AFF2: variants seen among roughly 807,000 people sequenced by gnomAD.
The protein encoded by AFF2 is AF4/FMR2 family member 2.
In AFF2, 14 loss-of-function variants were observed where a neutral mutation model predicts 76.9. That is an observed-to-expected ratio of 0.18 (90% CI 0.12 to 0.28). The LOEUF is 0.28. AFF2 is among the 10% of genes least tolerant of loss of function. AFF2 has a pLI of 1.00. For synonymous variants in AFF2, 398 were observed against 366.7 expected (o/e 1.09, Z -0.98); for missense variants, 868 against 1,001.1 (o/e 0.87, Z 1.79).
intron 7 of AFF2, among the ~76,000 whole-genome samples, chrX:148,851,647 T>A (rs1250114498): frequency 4.5e-5 from 5 of 112,066 alleles, no homozygotes; most frequent in African/African-American, 1.6e-4. Flanking sequence ...CATTGCCTAA[T>A]TTCTGGAGTT....
chrX:148,788,111 A>G (rs1439572708), intron 3 of AFF2, among the ~76,000 whole-genome samples: 7 of 111,680 alleles, frequency 6.3e-5, no homozygotes, highest in Non-Finnish European at 1.1e-4. Context: ...AAGTTGATCT[A>G]TATCTCCCTA....
chrX:148,921,481 A>G (rs782431933), intron 9 of AFF2, among the ~76,000 whole-genome samples: 16 of 112,269 alleles, frequency 1.4e-4, no homozygotes, highest in African/African-American at 4.9e-4. Context: ...TATTCTGGAT[A>G]TTTCATAAAA....
chrX:148,773,685 G>GAAAGAAAGAAAGAAAGAAA (rs2069621002), intron 3 of AFF2, among the ~76,000 whole-genome samples: 2 of 51,440 alleles, frequency 3.9e-5, no homozygotes, highest in Non-Finnish European at 6.6e-5. Context: ...AAGGAAGGAA[G>GAAAGAAAGAAAGAAAGAAA]GAAAGAAAGA....
intron 3 of AFF2, among the ~76,000 whole-genome samples, chrX:148,735,276 C>T (rs1398678813): frequency 3.6e-5 from 4 of 112,450 alleles, no homozygotes; most frequent in African/African-American, 1.3e-4. Flanking sequence ...TATTTATGCA[C>T]ATATCCACCT....
chrX:148,540,834 T>A (rs978999807), intron 1 of AFF2, among the ~76,000 whole-genome samples: 1 of 112,225 alleles, frequency 8.9e-6, no homozygotes, highest in Non-Finnish European at 1.9e-5. Context: ...TCCTGTTACA[T>A]CCAGTATAAA....
intron 4 of AFF2, among the ~76,000 whole-genome samples, chrX:148,832,704 G>A (rs1370513476): frequency 1.8e-5 from 2 of 112,159 alleles, no homozygotes; most frequent in African/African-American, 6.5e-5. Flanking sequence ...TAGAATCAGA[G>A]ATGAACGGTA....
At chrX:148,658,213 T>C (rs1386903005) in intron 2 of AFF2, among the ~76,000 whole-genome samples, 4 of 111,959 alleles carry the variant, frequency 3.6e-5, no homozygotes, top group Non-Finnish European at 7.5e-5. Context: ...AGTGTCTGTC[T>C]TAAGAACTAC....
chrX:148,928,101 G>T (rs1238504521), intron 9 of AFF2, among the ~76,000 whole-genome samples: 1 of 111,514 alleles, frequency 9.0e-6, no homozygotes, highest in Non-Finnish European at 1.9e-5. Context: ...ATAAGAGTGT[G>T]AAATGTTCCC....
At chrX:148,555,934 G>A (rs2053047540) in intron 1 of AFF2, among the ~76,000 whole-genome samples, 1 of 112,218 alleles carries the variant, frequency 8.9e-6, no homozygotes, top group Admixed American at 9.5e-5. Context: ...TAAACCACAC[G>A]AGGTGAATTT....
In AFF2 at chrX:148,609,041, T is replaced by C. The variant is rs1334587296; in HGVS notation, c.48-42958T>C. Among the ~76,000 whole-genome samples the C allele has an allele frequency of 2.2e-4, 25 of 111,493 alleles. No homozygotes were observed. The Admixed American group carries it at 2.3e-3, about 10-fold the overall frequency. On this transcript the variant is annotated intron_variant, in intron 1 of 20. Transcript: ENST00000370460. ...CTTTTACCCATGCTGACATTGACTT[T>C]CCTCTGGAGCATCACCAACTAGTGA... is the stretch of plus-strand genomic sequence containing the variant.
intron 1 of AFF2, among the ~76,000 whole-genome samples, chrX:148,638,779 C>A (rs1185432599): frequency 9.0e-6 from 1 of 111,193 alleles, no homozygotes; most frequent in Non-Finnish European, 1.9e-5. Flanking sequence ...GCAAGTACAG[C>A]ACCAAGCCAT....
At chrX:148,615,072 G>A (rs1557250147) in intron 1 of AFF2, among the ~76,000 whole-genome samples, 1 of 110,607 alleles carries the variant, frequency 9.0e-6, no homozygotes, top group Non-Finnish European at 1.9e-5. Flanking sequence ...CCAAAATGTT[G>A]TCATCAATTC....
rs782806508 is a variant in AFF2 at position 148,958,377 on chromosome X, G to A, written c.2609G>A (p.Arg870His). The change falls in exon 12 of 21, where the codon CGC becomes CAC. Residue 870 changes from arginine to histidine, a missense_variant. Coordinates refer to ENST00000370460, the MANE Select transcript of AFF2 (RefSeq NM_002025.4). ...GAGAAGATCCCTGAGAAGAAGCAGC[G>A]CCTGGAGGAGGCCACAACTATCTGC... is the stretch of plus-strand genomic sequence containing the variant. Reference protein sequence around the residue: ...VAEKIPEKKQRLEEATTICLL... With the variant: ...VAEKIPEKKQHLEEATTICLL... 84 of 1,209,099 alleles carry A rather than the reference G, an allele frequency of 6.9e-5. No homozygotes were observed. Among genetic ancestry groups the A allele is most frequent in the Non-Finnish European group, 8.5e-5 (76 of 894,736 alleles).
intron 4 of AFF2, among the ~76,000 whole-genome samples, chrX:148,834,776 A>T (rs1372590): frequency 0.011 from 1,260 of 111,788 alleles, 16 homozygotes; most frequent in African/African-American, 0.039. Flanking sequence ...AATGAAAAGG[A>T]TAACAATGGA....
At chrX:148,702,790 AG>A (rs2054818425) in intron 3 of AFF2, among the ~76,000 whole-genome samples, 1 of 112,487 alleles carries the variant, frequency 8.9e-6, no homozygotes, top group Non-Finnish European at 1.9e-5. Context: ...TGTACTGGAA[AG>A]GGCAGACAGT....
chrX:148,621,498 A>G (rs1445531998), intron 1 of AFF2, among the ~76,000 whole-genome samples: 1 of 111,324 alleles, frequency 9.0e-6, no homozygotes, highest in African/African-American at 3.3e-5. Flanking sequence ...TTCTCTAGAT[A>G]TTCAGCTGAG....
Position 148,740,659 on chromosome X carries a change from C to T in AFF2, c.1042-69217C>T, listed in dbSNP as rs558448425. ...AATTCTTTTTCAGGTAAATCAGGTG[C>T]GTATTATTGGTTTGGATCCACTGCT... On this transcript the variant is annotated intron_variant, in intron 3 of 20. Transcript: ENST00000370460. Among the ~76,000 whole-genome samples, 68 of 111,597 alleles carry T rather than the reference C, an allele frequency of 6.1e-4. 1 individual carries two copies. The highest frequency in any genetic ancestry group is 2.1e-3 in the African/African-American group (63 of 30,658).
intron 3 of AFF2, among the ~76,000 whole-genome samples, chrX:148,711,750 A>G (rs1250638079): frequency 8.9e-6 from 1 of 112,386 alleles, no homozygotes; most frequent in East Asian, 2.8e-4. Context: ...GTCCTAATTA[A>G]TAACTTTAAA....
chrX:148,975,916 C>A, intron 16 of AFF2, among the ~76,000 whole-genome samples: 1 of 71,241 alleles, frequency 1.4e-5, no homozygotes, highest in Middle Eastern at 0.013. Context: ...TGCACTCCAG[C>A]CTGGGCGACA....
Sources: allele counts gnomAD v4.1 joint callset (sites outside exome capture counted in the v4.1 genomes callset), GRCh38; gene constraint gnomAD v4.1.1; transcripts MANE v1.5; gene names NCBI Gene and HGNC (gene_info 2026-07-23, HGNC 2026-07-21).